Variants in HMCN1 observed in about 807,000 individuals in gnomAD.
HMCN1 encodes hemicentin-1.
HMCN1 carries 321 observed loss-of-function variants against 625.9 expected under a neutral mutation model. The ratio of observed to expected loss-of-function variants is 0.51; its 90% CI spans 0.47 to 0.56. The LOEUF is 0.56. HMCN1 is among the 20% of genes least tolerant of loss of function. The pLI is 0.00. For synonymous variants in HMCN1, 2,425 were observed against 2,417.6 expected (o/e 1.00, Z -0.09); for missense variants, 6,588 against 6,887.3 (o/e 0.96, Z 1.54).
intron 4 of HMCN1, among the ~76,000 whole-genome samples, chr1:185,884,869 G>T (rs112469006): frequency 6.6e-6 from 1 of 151,940 alleles, no homozygotes; most frequent in East Asian, 1.9e-4. Flanking sequence ...TTAAAGAATG[G>T]CATTGATCGT....
At chr1:186,058,047 A>G (rs771044185) in intron 46 of HMCN1, among the ~76,000 whole-genome samples, 33 of 152,128 alleles carry the variant, frequency 2.2e-4, no homozygotes, top group Non-Finnish European at 2.4e-4. Context: ...AAGCTTAGAT[A>G]CTTAGAAAAA....
Position 185,736,223 on chromosome 1 carries a change from CT to C in HMCN1, c.268+1177del, listed in dbSNP as rs1653560922. ...ATGCTCTTCACATGATGAAAACAATCTGTACTACTCTTCTGGGATATGTAAT... is the reference window on the plus strand; with the variant it reads ...ATGCTCTTCACATGATGAAAACAATCGTACTACTCTTCTGGGATATGTAAT... On this transcript the variant is annotated intron_variant, in intron 1 of 106. Transcript: ENST00000271588. Among the ~76,000 whole-genome samples the C allele has an allele frequency of 2.0e-5, 3 of 152,124 alleles. No homozygotes were observed. In the South Asian group the frequency reaches 6.2e-4, roughly 31 times the overall value.
intron 45 of HMCN1, among the ~76,000 whole-genome samples, chr1:186,055,972 T>A (rs941478474): frequency 1.3e-5 from 2 of 152,024 alleles, no homozygotes; most frequent in Admixed American, 1.3e-4. Flanking sequence ...ATCTGTTTTT[T>A]ATGTTTTCCA....
At chr1:185,831,323 A>G (rs1457651206) in intron 1 of HMCN1, among the ~76,000 whole-genome samples, 3 of 152,180 alleles carry the variant, frequency 2.0e-5, no homozygotes, top group African/African-American at 7.2e-5. Flanking sequence ...ATTTAACAAA[A>G]TTAGTGTTAA....
chr1:185,928,070 C>A (rs905626840), intron 9 of HMCN1, among the ~76,000 whole-genome samples: 1 of 151,968 alleles, frequency 6.6e-6, no homozygotes, highest in African/African-American at 2.4e-5. Context: ...GGCCTTATAT[C>A]TTATCTAAGT....
intron 1 of HMCN1, among the ~76,000 whole-genome samples, chr1:185,790,906 G>T (rs1657945575): frequency 6.6e-6 from 1 of 152,024 alleles, no homozygotes; most frequent in South Asian, 2.1e-4. Context: ...AGAGACTAAT[G>T]GTGTATATAA....
intron 10 of HMCN1, among the ~76,000 whole-genome samples, chr1:185,932,547 G>A (rs994406789): frequency 5.9e-5 from 9 of 152,118 alleles, no homozygotes; most frequent in Admixed American, 5.2e-4. Flanking sequence ...TCATTTTAAA[G>A]CATTTGAGCA....
chr1:186,110,109 A>T (rs974883956), intron 71 of HMCN1, among the ~76,000 whole-genome samples: 1 of 152,208 alleles, frequency 6.6e-6, no homozygotes, highest in Non-Finnish European at 1.5e-5. Flanking sequence ...TTTTCCAAGA[A>T]GAGATTGTAG....
At chr1:185,843,132 A>T (rs1324026878) in intron 1 of HMCN1, among the ~76,000 whole-genome samples, 1 of 152,174 alleles carries the variant, frequency 6.6e-6, no homozygotes, top group Non-Finnish European at 1.5e-5. Flanking sequence ...TTTTCTTTGT[A>T]AACAACTAGA....
chr1:186,043,264 A>T (rs925403416), intron 40 of HMCN1, among the ~76,000 whole-genome samples: 1 of 152,148 alleles, frequency 6.6e-6, no homozygotes, highest in Non-Finnish European at 1.5e-5. Context: ...TATCTTAGGA[A>T]GCTGAGGATC....
At chr1:186,184,833 CTTTCA>C in intron 105 of HMCN1, among the ~76,000 whole-genome samples, 1 of 152,096 alleles carries the variant, frequency 6.6e-6, no homozygotes, top group Non-Finnish European at 1.5e-5. Flanking sequence ...TTACAAAATA[CTTTCA>C]TTTCAATCAT....
At chr1:185,885,826 A>C (rs889053002) in intron 4 of HMCN1, among the ~76,000 whole-genome samples, 3 of 152,066 alleles carry the variant, frequency 2.0e-5, no homozygotes, top group Non-Finnish European at 4.4e-5. Flanking sequence ...CTTCCAAGGA[A>C]AAATTGATTC....
intron 72 of HMCN1, among the ~76,000 whole-genome samples, chr1:186,113,688 C>T (rs1660991726): frequency 1.3e-5 from 2 of 152,182 alleles, no homozygotes; most frequent in African/African-American, 4.8e-5. Flanking sequence ...CTTTAATTTG[C>T]ATCAGACTAG....
intron 21 of HMCN1, 51 bp downstream of exon 21, chr1:185,989,698 A>G (rs1489609588): frequency 6.3e-7 from 1 of 1,575,872 alleles, no homozygotes; most frequent in Non-Finnish European, 8.7e-7. Context: ...ATCTGTGCCA[A>G]AACTCACAGT....
At chr1:186,029,615 G>A (rs1414919109) in intron 36 of HMCN1, among the ~76,000 whole-genome samples, 2 of 150,346 alleles carry the variant, frequency 1.3e-5, no homozygotes, top group African/African-American at 2.4e-5. Context: ...AGATCTTCTC[G>A]CTTTTGTTTA....
At chr1:186,166,121 T>C in intron 98 of HMCN1, 63 bp from the exon 99 acceptor site, 2 of 1,595,492 alleles carry the variant, frequency 1.3e-6, no homozygotes, top group Non-Finnish European at 1.7e-6. Context: ...TTACTGGCTT[T>C]AATAACTCCC....
At chr1:186,159,802 C>A (rs948728565) in intron 97 of HMCN1, among the ~76,000 whole-genome samples, 3 of 152,084 alleles carry the variant, frequency 2.0e-5, no homozygotes, top group Non-Finnish European at 2.9e-5. Flanking sequence ...CTTTTTGATG[C>A]GCTTGCTGGA....
At position 186,045,756 on chromosome 1, in the gene HMCN1, T is replaced by C; in HGVS notation, c.6373T>C (p.Cys2125Arg). ...VLISQAVELL[C>R]QSDAIPPPTL... The stretch of plus-strand genomic sequence containing the variant: ...CATTAGCCAAGCTGTGGAATTACTA[T>C]GTCAAAGTGATGCTATTCCCCCACC... The change falls in exon 41 of 107, where the codon TGT (cysteine) becomes CGT (arginine). Residue 2125 changes from cysteine (C) to arginine (R), a missense_variant. Cys to Arg is a radical substitution (Grantham distance 180, BLOSUM62 -3). Around this residue, in one of 3 missense-constraint regions of HMCN1, gnomAD observed 4,628 missense variants for 4,853.1 expected, o/e 0.95. Coordinates refer to ENST00000271588, the MANE Select transcript of HMCN1 (RefSeq NM_031935.3). 1.9e-6 allele frequency: 3 copies of C among 1,612,978 alleles called. No homozygotes were observed. The highest frequency in any genetic ancestry group is 2.2e-5 in the East Asian group (1 of 44,790).
intron 14 of HMCN1, among the ~76,000 whole-genome samples, chr1:185,967,527 A>T (rs1650497203): frequency 1.3e-5 from 2 of 152,130 alleles, no homozygotes; most frequent in Admixed American, 1.3e-4. Flanking sequence ...GTTCATCAAT[A>T]ATAGGCAGAG....
Sources: allele counts gnomAD v4.1 joint callset (sites outside exome capture counted in the v4.1 genomes callset), GRCh38; gene constraint gnomAD v4.1.1; regional missense constraint gnomAD v4.1.1; transcripts MANE v1.5; gene names NCBI Gene and HGNC (gene_info 2026-07-23, HGNC 2026-07-21).